COL6A6: variants seen among roughly 807,000 people sequenced by gnomAD.
The protein encoded by COL6A6 is collagen alpha-6(VI) chain.
A neutral mutation model predicts 208.6 loss-of-function variants in COL6A6; 183 were observed. The observed-to-expected ratio is 0.88, with a 90% confidence interval of 0.78 to 0.99. The LOEUF (loss-of-function observed/expected upper bound fraction) is 0.99. Ranked by LOEUF, COL6A6 falls within the 50% of genes least tolerant of loss-of-function variation. The pLI is 0.00. For missense variants in COL6A6, 2,816 were observed against 2,815.2 expected (o/e 1.00, Z -0.01); for synonymous variants, 973 against 1,011.8 (o/e 0.96, Z 0.73).
At chr3:130,614,775 G>A (rs1361674081) in intron 23 of COL6A6, among the ~76,000 whole-genome samples, 2 of 151,902 alleles carry the variant, frequency 1.3e-5, no homozygotes, top group Admixed American at 1.3e-4. Context: ...TATTACTTCT[G>A]GATCTTCTAG....
At chr3:130,591,235 A>G in intron 13 of COL6A6, 141 bp downstream of exon 13, 1 of 739,896 alleles carries the variant, frequency 1.4e-6, no homozygotes, top group Non-Finnish European at 2.3e-6. Flanking sequence ...TTTTGTCCTC[A>G]TTGTGCTTTG....
intron 7 of COL6A6, among the ~76,000 whole-genome samples, 184 bp from the exon 8 acceptor site, chr3:130,573,772 T>C (rs1354479691): frequency 6.6e-6 from 1 of 152,008 alleles, no homozygotes; most frequent in Admixed American, 6.6e-5. Context: ...GGTTTCACCA[T>C]GTTAGCCAGG....
chr3:130,594,215 C>A, intron 17 of COL6A6, 66 bp from the exon 18 acceptor site: 2 of 1,209,502 alleles, frequency 1.7e-6, no homozygotes, highest in Non-Finnish European at 2.4e-6. Context: ...AGAAGAAAAG[C>A]TCTGTTTTTA....
At position 130,649,512 on chromosome 3, in the gene COL6A6, C is replaced by G. The variant is rs763706389; in HGVS notation, c.5683C>G (p.Pro1895Ala). The change falls in exon 33 of 37, where the codon CCC (proline) becomes GCC (alanine). Residue 1895 changes from proline (P) to alanine (A), a missense_variant. Coordinates refer to ENST00000358511, the MANE Select transcript of COL6A6 (RefSeq NM_001102608.3). ...GGAGTTCGGCGCGCTTGAAATCATT[C>G]CCGTGGTGATCACTTTCAGCAACGT... ...AMEFGALEIIPVVITFSNVPS... is the reference protein window; with the variant it reads ...AMEFGALEIIAVVITFSNVPS... 1.2e-6 allele frequency: 2 copies of G among 1,604,014 alleles called. No individual in the cohort carries two copies. Among genetic ancestry groups the G allele is most frequent in the Non-Finnish European group, 1.7e-6 (2 of 1,175,098 alleles).
chr3:130,627,507 TGCTG>T, intron 26 of COL6A6, 138 bp downstream of exon 26: 1 of 714,946 alleles, frequency 1.4e-6, no homozygotes, highest in Admixed American at 2.2e-5. Context: ...GTAATTTATT[TGCTG>T]CTATCCCATG....
rs111455079 is a variant in COL6A6, at chr3:130,581,626, G to A, written c.3613G>A (p.Glu1205Lys). 6.2e-7 allele frequency: 1 copy of A among 1,613,902 alleles called. No homozygotes were observed. Residue 1205 changes from glutamate to lysine, a missense_variant, in exon 9 of 37, where the codon GAA (glutamate) becomes AAA (lysine). By Grantham distance (56) the Glu-to-Lys change is moderately conservative. Coordinates refer to ENST00000358511, the MANE Select transcript of COL6A6 (RefSeq NM_001102608.3). ...TCAGGAGAAAGGGCAGACTTTGCTT[G>A]AAGGTCAGCCTTGGATGGAAACCTA... ...STQEKGQTLL[E>K]GQPWMETYLQ...
At chr3:130,570,586 G>A (rs190917246) in intron 6 of COL6A6, among the ~76,000 whole-genome samples, 5 of 152,196 alleles carry the variant, frequency 3.3e-5, no homozygotes, top group African/African-American at 1.2e-4. Context: ...ACTCCCTGCA[G>A]TGGGCCCCCA....
At chr3:130,588,791 C>T (rs1248411020) in intron 11 of COL6A6, among the ~76,000 whole-genome samples, 1 of 151,940 alleles carries the variant, frequency 6.6e-6, no homozygotes, top group African/African-American at 2.4e-5. Context: ...ACAACCACAT[C>T]AGTTGGCATG....
At chr3:130,635,519 G>A (rs369347934) in intron 27 of COL6A6, among the ~76,000 whole-genome samples, 180 bp from the exon 28 acceptor site, 4 of 152,272 alleles carry the variant, frequency 2.6e-5, no homozygotes, top group African/African-American at 7.2e-5. Context: ...CAATGCTGAC[G>A]CAGTGTGCTA....
intron 1 of COL6A6, 101 bp from the exon 2 acceptor site, chr3:130,560,231 CCT>C (rs1172001150): frequency 3.2e-6 from 2 of 621,732 alleles, no homozygotes; most frequent in African/African-American, 1.9e-5. Flanking sequence ...TTCCTTGTCC[CCT>C]GTTACACCCA....
chr3:130,625,330 T>A (rs1238791090), intron 24 of COL6A6, among the ~76,000 whole-genome samples: 1 of 152,194 alleles, frequency 6.6e-6, no homozygotes, highest in East Asian at 1.9e-4. Flanking sequence ...TCCCCACCTT[T>A]TAAGTGTAGG....
intron 4 of COL6A6, 56 bp from the exon 5 acceptor site, chr3:130,566,646 C>T (rs894645317): frequency 7.1e-7 from 1 of 1,417,348 alleles, no homozygotes. Context: ...CATGTGCTCT[C>T]ATTTCTTCTT....
intron 7 of COL6A6, 54 bp downstream of exon 7, chr3:130,571,447 G>C: frequency 7.4e-7 from 1 of 1,357,344 alleles, no homozygotes; most frequent in Non-Finnish European, 1.0e-6. Context: ...ACAAATGAGA[G>C]AGAAAGCAAA....
chr3:130,635,714 C>G lies in COL6A6; in HGVS notation c.5044C>G (p.Pro1682Ala). 2 of 1,610,460 alleles carry G rather than the reference C, an allele frequency of 1.2e-6. No individual in the cohort carries two copies. The highest frequency in any genetic ancestry group is 1.7e-6 in the Non-Finnish European group (2 of 1,177,224). Residue 1682 changes from proline to alanine, a missense_variant, in exon 28 of 37, where the codon CCT becomes GCT. By Grantham distance (27) the Pro-to-Ala change is conservative. Transcript: ENST00000358511. ...ESGPKGEIGD[P>A]GGPGETGLKG... ...ATGTATTTAGGGTGAGATTGGGGAC[C>G]CTGGTGGTCCAGGAGAGACTGGGCT...
intron 20 of COL6A6, among the ~76,000 whole-genome samples, chr3:130,605,527 C>T (rs1325572602): frequency 1.3e-5 from 2 of 152,038 alleles, no homozygotes; most frequent in Non-Finnish European, 2.9e-5. Context: ...TGAATTGAAT[C>T]AGAACAGACA....
At chr3:130,643,632 C>T (rs565075458) in intron 31 of COL6A6, among the ~76,000 whole-genome samples, 12 of 152,206 alleles carry the variant, frequency 7.9e-5, no homozygotes, top group African/African-American at 2.9e-4. Context: ...TTTCTAACAG[C>T]TTGTTCTATC....
intron 10 of COL6A6, among the ~76,000 whole-genome samples, chr3:130,584,857 G>T (rs905619851): frequency 6.6e-6 from 1 of 151,918 alleles, no homozygotes; most frequent in Non-Finnish European, 1.5e-5. Flanking sequence ...CTTGTGATCC[G>T]CCTGCCTCGG....
In COL6A6 at chr3:130,568,286, AT is replaced by A; in HGVS notation, c.2085del (p.Ile695MetfsTer6). ...AAATGCAATAGACCAAATGGCTCAC[AT>A]TGGACAAACCACCCTGACTGGTAGT... ...ISNAIDQMAH[I>X]GQTTLTGSAL... On this transcript the variant is annotated frameshift_variant, in exon 6 of 37. Transcript: ENST00000358511. LOFTEE classifies it high-confidence loss of function. 1.2e-6 allele frequency: 2 copies of A among 1,614,032 alleles called. No homozygotes were observed. The highest frequency in any genetic ancestry group is 1.7e-6 in the Non-Finnish European group (2 of 1,179,902).
In COL6A6 at chr3:130,579,083, C is replaced by T. The variant is rs762832192; in HGVS notation, c.3548-2478C>T. ...TTCAAAGTCCCAAACAGATTTCTCTCCTATCCCAGCTAATAACTGCCACTT... is the reference window on the plus strand; with the variant it reads ...TTCAAAGTCCCAAACAGATTTCTCTTCTATCCCAGCTAATAACTGCCACTT... On this transcript the variant is annotated intron_variant, in intron 8 of 36. Transcript: ENST00000358511. Among the ~76,000 whole-genome samples the T allele has an allele frequency of 2.0e-5, 3 of 152,280 alleles. No individual in the cohort carries two copies. In the South Asian group the frequency reaches 6.2e-4, roughly 32 times the overall value.
Sources: gnomAD v4.1 joint callset for allele counts (sites outside exome capture counted in the v4.1 genomes callset) on GRCh38, gnomAD v4.1.1 for gene constraint, MANE v1.5 for transcripts, NCBI Gene and HGNC (gene_info 2026-07-23, HGNC 2026-07-21) for gene names.